Variants in CFAP54 observed in about 807,000 individuals in gnomAD.
CFAP54 encodes cilia- and flagella-associated protein 54.
CFAP54 carries 290 observed loss-of-function variants against 370.4 expected under a neutral mutation model. That is an observed-to-expected ratio of 0.78 (90% CI 0.71 to 0.86). CFAP54 has a LOEUF of 0.86. CFAP54 is among the 40% of genes least tolerant of loss of function. The pLI is 0.00. For missense variants in CFAP54, 3,399 were observed against 3,528.7 expected (o/e 0.96, Z 0.93); for synonymous variants, 1,206 against 1,236.5 (o/e 0.98, Z 0.52).
At chr12:96,779,034 A>G (rs60309948) in intron 60 of CFAP54, among the ~76,000 whole-genome samples, 8,710 of 151,416 alleles carry the variant, frequency 0.058, 835 homozygotes, top group African/African-American at 0.19. Flanking sequence ...TTGGACCCAG[A>G]AGGTAGAGGT....
intron 50 of CFAP54, among the ~76,000 whole-genome samples, chr12:96,732,143 TCAGA>T (rs1406577170): frequency 1.3e-5 from 2 of 152,010 alleles, no homozygotes; most frequent in Admixed American, 6.6e-5. Context: ...CGGTGTGTTT[TCAGA>T]CAGAGTCTTG....
chr12:96,664,703 ATATATATATATCTATATATATC>A (rs1565934165), intron 39 of CFAP54, among the ~76,000 whole-genome samples: 6 of 12,436 alleles, frequency 4.8e-4, no homozygotes, highest in African/African-American at 1.3e-3. Context: ...ATATCTATAT[ATATATATATATCTATATATATC>A]TATATATATA....
At chr12:96,497,389 A>G (rs990366319) in intron 1 of CFAP54, among the ~76,000 whole-genome samples, 6 of 152,244 alleles carry the variant, frequency 3.9e-5, no homozygotes, top group East Asian at 3.8e-4. Context: ...AAGACTTACT[A>G]TAAAGCTACA....
intron 28 of CFAP54, among the ~76,000 whole-genome samples, chr12:96,625,276 A>T (rs1037834593): frequency 6.6e-6 from 1 of 152,228 alleles, no homozygotes; most frequent in African/African-American, 2.4e-5. Flanking sequence ...TAACTTTCCA[A>T]GGTTTCATAA....
intron 50 of CFAP54, among the ~76,000 whole-genome samples, chr12:96,723,755 G>A (rs1267775327): frequency 6.7e-6 from 1 of 149,870 alleles, no homozygotes; most frequent in African/African-American, 2.5e-5. Context: ...GTATACATGT[G>A]CCATGCTGGT....
intron 40 of CFAP54, among the ~76,000 whole-genome samples, chr12:96,683,053 C>T (rs1216723684): frequency 6.6e-6 from 1 of 152,124 alleles, no homozygotes; most frequent in African/African-American, 2.4e-5. Flanking sequence ...TTTTTCCTAA[C>T]AGACATTTTA....
At chr12:96,790,110 C>T (rs142064336) in intron 62 of CFAP54, among the ~76,000 whole-genome samples, 179 of 152,152 alleles carry the variant, frequency 1.2e-3, no homozygotes, top group African/African-American at 4.0e-3. Flanking sequence ...TCTTTCGGAG[C>T]TTTGTGATGG....
In CFAP54 at chr12:96,744,063, C is replaced by T. The variant is rs141769434; in HGVS notation, c.7601C>T (p.Thr2534Ile). ...ACAATTGAATTTCGTTCATCAAACA[C>T]TAAATATGCAAATCCATTACAGCCT... Reference protein sequence around the residue: ...GETIEFRSSNTKYANPLQPLK... With the variant: ...GETIEFRSSNIKYANPLQPLK... Residue 2534 changes from threonine (T) to isoleucine (I), a missense_variant, in exon 55 of 68, where the codon ACT (threonine) becomes ATT (isoleucine). Around this residue, in one of 3 missense-constraint regions of CFAP54, gnomAD observed 2,796 missense variants for 2,869.7 expected, o/e 0.97. Coordinates refer to ENST00000524981, the MANE Select transcript of CFAP54 (RefSeq NM_001306084.2). The T allele has an allele frequency of 3.1e-6, 5 of 1,610,888 alleles. No homozygotes were observed. The African/African-American group carries it at 6.7e-5, about 22-fold the overall frequency.
chr12:96,655,643 G>A (rs1956913325), intron 36 of CFAP54, among the ~76,000 whole-genome samples: 1 of 151,836 alleles, frequency 6.6e-6, no homozygotes, highest in Non-Finnish European at 1.5e-5. Context: ...TCAGATTATG[G>A]GAACTCTACA....
At chr12:96,618,975 G>A (rs1248352648) in intron 26 of CFAP54, among the ~76,000 whole-genome samples, 6 of 152,134 alleles carry the variant, frequency 3.9e-5, no homozygotes, top group Non-Finnish European at 5.9e-5. Flanking sequence ...AGCAATCCTC[G>A]CATATCAGCC....
chr12:96,552,246 C>CAAAAAAAAAAA (rs374756712), intron 15 of CFAP54, among the ~76,000 whole-genome samples: 1 of 41,010 alleles, frequency 2.4e-5, no homozygotes, highest in Non-Finnish European at 5.7e-5. Flanking sequence ...AACTACATCT[C>CAAAAAAAAAAA]AAAAAAAAAA....
At chr12:96,656,958 C>T (rs918859962) in intron 36 of CFAP54, among the ~76,000 whole-genome samples, 3 of 152,232 alleles carry the variant, frequency 2.0e-5, no homozygotes, top group Non-Finnish European at 2.9e-5. Flanking sequence ...TTCTTACCTA[C>T]ACAGCCTGAC....
chr12:96,697,100 T>G (rs1452699535), intron 45 of CFAP54, among the ~76,000 whole-genome samples: 2 of 152,184 alleles, frequency 1.3e-5, no homozygotes, highest in African/African-American at 4.8e-5. Flanking sequence ...GTACCAATGA[T>G]CCTATATTTG....
chr12:96,760,527 G>T (rs543227082), intron 58 of CFAP54, among the ~76,000 whole-genome samples: 1 of 152,212 alleles, frequency 6.6e-6, no homozygotes, highest in Admixed American at 6.5e-5. Flanking sequence ...TAAATAGAAT[G>T]ATAGAGTTTA....
chr12:96,648,035 G>A lies in CFAP54; in HGVS notation c.4690+18G>A. 6.8e-7 allele frequency: 1 copy of A among 1,481,202 alleles called. No homozygotes were observed. Among genetic ancestry groups the A allele is most frequent in the Non-Finnish European group, 8.9e-7 (1 of 1,124,816 alleles). 91.8% of individuals were successfully genotyped at this position (1,481,202 alleles called of 1,614,324 possible). A position where few individuals can be genotyped will look rare whatever the true frequency, so the allele number is the denominator to read the frequency against. ...ACCATCAGGTAAAATAAACATGTTA[G>A]TTTATTATTAAATTACCTCTAGATT... On this transcript the variant is annotated intron_variant, in intron 34 of 67. Transcript: ENST00000524981.
intron 39 of CFAP54, among the ~76,000 whole-genome samples, chr12:96,674,336 C>CTTTT (rs5800259): frequency 5.6e-5 from 7 of 125,006 alleles, no homozygotes; most frequent in East Asian, 2.4e-4. Flanking sequence ...CAATGTTTTT[C>CTTTT]TTTTTTTTTT....
chr12:96,746,859 T>G (rs760963965), intron 55 of CFAP54, among the ~76,000 whole-genome samples: 1 of 152,194 alleles, frequency 6.6e-6, no homozygotes, highest in Non-Finnish European at 1.5e-5. Context: ...CACTACTCAC[T>G]GGCTCCCACA....
chr12:96,721,667 G>A (rs906113833), intron 50 of CFAP54, among the ~76,000 whole-genome samples: 7 of 152,032 alleles, frequency 4.6e-5, no homozygotes, highest in African/African-American at 9.7e-5. Context: ...TCATTAATTC[G>A]TTTAAAAAAT....
At chr12:96,702,971 A>G (rs993237039) in intron 46 of CFAP54, among the ~76,000 whole-genome samples, 5 of 152,212 alleles carry the variant, frequency 3.3e-5, no homozygotes, top group African/African-American at 9.6e-5. Flanking sequence ...TCAAATCTAA[A>G]GTCCCATTAT....
Sources: allele counts gnomAD v4.1 joint callset (sites outside exome capture counted in the v4.1 genomes callset), GRCh38; gene constraint gnomAD v4.1.1; regional missense constraint gnomAD v4.1.1; transcripts MANE v1.5; gene names NCBI Gene and HGNC (gene_info 2026-07-23, HGNC 2026-07-21).